The following FUNDC2 variants were observed in gnomAD, a reference collection of about 807,000 sequenced individuals.
The protein encoded by FUNDC2 is FUN14 domain containing 2.
A neutral mutation model predicts 15.6 loss-of-function variants in FUNDC2; 4 were observed. The observed-to-expected ratio is 0.26, with a 90% CI of 0.13 to 0.59. The LOEUF is 0.59. FUNDC2 is among the 20% of genes least tolerant of loss of function. FUNDC2 has a pLI of 0.90. For synonymous variants in FUNDC2, 44 were observed against 56.9 expected (o/e 0.77, Z 1.02); for missense variants, 98 against 149.7 (o/e 0.65, Z 1.80).
rs2073916214 is a variant in FUNDC2, at chrX:155,058,431, C to CAGTT, written c.*3760_*3763dup. 9.0e-6 allele frequency: 1 copy of CAGTT among 111,176 alleles called. No individual in the cohort carries two copies. The highest frequency in any genetic ancestry group is 3.3e-5 in the African/African-American group (1 of 30,459). The allele number at this position is 111,176 out of a possible 1,213,427, so 9.2% of individuals were successfully genotyped here. A position where few individuals can be genotyped will look rare whatever the true frequency, so the allele number is the denominator to read the frequency against. ...CTTATTTGGAACCTCTACTTTTGTACAGTTTGGGAATCTCTGCTTGAAAAG... is the reference window on the plus strand; with the variant it reads ...CTTATTTGGAACCTCTACTTTTGTACAGTTAGTTTGGGAATCTCTGCTTGAAAAG... On this transcript the variant is annotated 3_prime_UTR_variant, in exon 5 of 5. Coordinates refer to ENST00000369498, the MANE Select transcript of FUNDC2 (RefSeq NM_023934.4).
At chrX:155,054,434 A>G in intron 4 of FUNDC2, 161 bp from the exon 5 acceptor site, 1 of 748,974 alleles carries the variant, frequency 1.3e-6, no homozygotes, top group South Asian at 6.8e-5. Flanking sequence ...ATTATTAAAT[A>G]GACTATTAGT....
Position 155,057,073 on chromosome X carries a change from CACGG to C in FUNDC2, c.*2402_*2405del, listed in dbSNP as rs2073908004. On this transcript the variant is annotated 3_prime_UTR_variant, in exon 5 of 5. Transcript: ENST00000369498. ...TATGAGAACGGCTGTGAGTTCTGCC[CACGG>C]TGTGAGGCCACTGTGACCACTTGGG... The C allele has an allele frequency of 1.0e-5, 1 of 99,733 alleles. No homozygotes were observed. The highest frequency in any genetic ancestry group is 2.2e-5 in the Non-Finnish European group (1 of 45,251). 8.2% of individuals were successfully genotyped at this position (99,733 alleles called of 1,213,427 possible). A position where few individuals can be genotyped will look rare whatever the true frequency, so the allele number is the denominator to read the frequency against.
Position 155,060,204 on chromosome X carries a change from T to C in FUNDC2, c.*5532T>C, listed in dbSNP as rs782661975. The C allele has an allele frequency of 1.8e-5, 2 of 112,601 alleles. No individual in the cohort carries two copies. Among genetic ancestry groups the C allele is most frequent in the South Asian group, 3.7e-4 (1 of 2,730 alleles). 9.3% of individuals were successfully genotyped at this position (112,601 alleles called of 1,213,427 possible). On this transcript the variant is annotated 3_prime_UTR_variant, in exon 5 of 5. Transcript: ENST00000369498. ...CACAGAAAAACAATCTATTTGATCA[T>C]GTAGTGATTCCTAATGTAAATCCTA...
intron 3 of FUNDC2, among the ~76,000 whole-genome samples, chrX:155,047,773 A>G (rs1557290156): frequency 9.0e-6 from 1 of 110,686 alleles, no homozygotes; most frequent in Non-Finnish European, 1.9e-5. Context: ...TCCCTGTGCC[A>G]GTATAGGCTT....
intron 2 of FUNDC2, among the ~76,000 whole-genome samples, chrX:155,040,008 T>C (rs2124190671): frequency 8.9e-6 from 1 of 112,185 alleles, no homozygotes; most frequent in South Asian, 3.7e-4. Flanking sequence ...ATTTGTGTTG[T>C]CTTCAATTTC....
In FUNDC2 at chrX:155,026,848, C is replaced by T; in HGVS notation, c.-91C>T. 1 of 1,129,274 alleles carries T rather than the reference C, an allele frequency of 8.9e-7. No homozygotes were observed. 93.1% of individuals were successfully genotyped at this position (1,129,274 alleles called of 1,213,427 possible). On this transcript the variant is annotated 5_prime_UTR_variant, in exon 1 of 5. Coordinates refer to ENST00000369498, the MANE Select transcript of FUNDC2 (RefSeq NM_023934.4). ...GGGCGGGACCGCGGGGCCTGTGACA[C>T]CGCACGCTGAGCTCTGTGATGTAGC...
rs2073914696 is a variant in FUNDC2, at chrX:155,058,093, C to G, written c.*3421C>G. 1 of 111,551 alleles carries G rather than the reference C, an allele frequency of 9.0e-6. No individual in the cohort carries two copies. The highest frequency in any genetic ancestry group is 2.8e-4 in the East Asian group (1 of 3,530). The allele number at this position is 111,551 out of a possible 1,213,427, so 9.2% of individuals were successfully genotyped here. On this transcript the variant is annotated 3_prime_UTR_variant, in exon 5 of 5. Transcript: ENST00000369498. ...TTGTTTGTTGCAATCTCCCGCCACT[C>G]AGCCTCCAGACATTCATTAACAGGA... is the stretch of plus-strand genomic sequence containing the variant.
chrX:155,054,437 C>T (rs1329628642), intron 4 of FUNDC2, 158 bp from the exon 5 acceptor site: 12 of 746,926 alleles, frequency 1.6e-5, no homozygotes, highest in Non-Finnish European at 1.9e-5. Flanking sequence ...ATTAAATAGA[C>T]TATTAGTGTA....
Position 155,057,839 on chromosome X carries a change from G to C in FUNDC2, c.*3167G>C, listed in dbSNP as rs1484449787. The C allele has an allele frequency of 2.7e-5, 3 of 111,531 alleles. No individual in the cohort carries two copies. The highest frequency in any genetic ancestry group is 5.7e-5 in the Non-Finnish European group (3 of 53,083). 9.2% of individuals were successfully genotyped at this position (111,531 alleles called of 1,213,427 possible). Reference sequence around the variant, plus strand: ...CTTCCCAAGGTTCTCCCCAGAGTCGGAGAGCAGAGACGGATCCAGGGGCAC... The same window carrying C: ...CTTCCCAAGGTTCTCCCCAGAGTCGCAGAGCAGAGACGGATCCAGGGGCAC... On this transcript the variant is annotated 3_prime_UTR_variant, in exon 5 of 5. Coordinates refer to ENST00000369498, the MANE Select transcript of FUNDC2 (RefSeq NM_023934.4).
chrX:155,056,519 C>T lies in FUNDC2; in HGVS notation c.*1847C>T, dbSNP rs1451018589. On this transcript the variant is annotated 3_prime_UTR_variant, in exon 5 of 5. Transcript: ENST00000369498. ...AAGTCTCTTAACCTTATAGATCCTC[C>T]TCTATTTTTTTTTTTTTGCTTGCTA... 1 of 93,580 alleles carries T rather than the reference C, an allele frequency of 1.1e-5. No homozygotes were observed. The highest frequency in any genetic ancestry group is 2.1e-5 in the Non-Finnish European group (1 of 48,163). The allele number at this position is 93,580 out of a possible 1,213,427, so 7.7% of individuals were successfully genotyped here.
At chrX:155,051,564 A>G in intron 3 of FUNDC2, 106 bp from the exon 4 acceptor site, 1 of 876,157 alleles carries the variant, frequency 1.1e-6, no homozygotes, top group Non-Finnish European at 1.6e-6. Context: ...GTCTCCAAAA[A>G]TGGAAAGTCA....
intron 2 of FUNDC2, among the ~76,000 whole-genome samples, chrX:155,043,090 C>T (rs1450480239): frequency 2.7e-5 from 3 of 111,093 alleles, no homozygotes; most frequent in African/African-American, 6.6e-5. Flanking sequence ...TGCATGCTAC[C>T]GTGCCTGGCT....
intron 1 of FUNDC2, among the ~76,000 whole-genome samples, chrX:155,027,569 T>A (rs1443253010): frequency 1.8e-5 from 2 of 112,223 alleles, no homozygotes; most frequent in Non-Finnish European, 3.8e-5. Context: ...GTCTTTAAGT[T>A]ATGCGTCTTA....
At position 155,045,567 on chromosome X, in the gene FUNDC2, A is replaced by G. The variant is rs781812946; in HGVS notation, c.285-942A>G. Reference sequence around the variant, plus strand: ...ATGAGATTAAAGCTGAGAAGTGAACACTAGCATTTGGTAAGGTCAAGATCA... The same window carrying G: ...ATGAGATTAAAGCTGAGAAGTGAACGCTAGCATTTGGTAAGGTCAAGATCA... On this transcript the variant is annotated intron_variant, in intron 2 of 4. Transcript: ENST00000369498. Among the ~76,000 whole-genome samples, 5 of 112,292 alleles carry G rather than the reference A, an allele frequency of 4.5e-5. 1 individual carries two copies. The South Asian group carries it at 1.8e-3, about 41-fold the overall frequency.
intron 4 of FUNDC2, 125 bp downstream of exon 4, chrX:155,051,926 A>G (rs1557290543): frequency 1.6e-6 from 1 of 635,572 alleles, no homozygotes; most frequent in African/African-American, 2.2e-5. Context: ...GAGTAATGAG[A>G]CAAAACTAAC....
chrX:155,028,055 T>TTATAGACTTTTATAAGAGCAGACTGCTCA (rs2073801004), intron 1 of FUNDC2, among the ~76,000 whole-genome samples: 1 of 111,385 alleles, frequency 9.0e-6, no homozygotes. Context: ...CAGACTGCTC[T>TTATAGACTTTTATAAGAGCAGACTGCTCA]TATAGACTTT....
At chrX:155,031,247 A>T (rs1325402319) in intron 1 of FUNDC2, among the ~76,000 whole-genome samples, 7 of 111,588 alleles carry the variant, frequency 6.3e-5, no homozygotes, top group South Asian at 3.7e-4. Context: ...TATATGTTTA[A>T]TCTTTTGAGC....
chrX:155,035,759 C>T (rs998199566), intron 2 of FUNDC2, among the ~76,000 whole-genome samples: 3 of 112,154 alleles, frequency 2.7e-5, no homozygotes, highest in African/African-American at 9.7e-5. Flanking sequence ...CTTGGCTCAC[C>T]GCCTCCTGGG....
intron 1 of FUNDC2, among the ~76,000 whole-genome samples, chrX:155,032,795 C>A (rs1261337885): frequency 2.7e-5 from 3 of 111,825 alleles, no homozygotes; most frequent in African/African-American, 9.8e-5. Flanking sequence ...AGAGAAGGGG[C>A]AAATTTGTTT....
Sources: allele counts gnomAD v4.1 joint callset (sites outside exome capture counted in the v4.1 genomes callset), GRCh38; gene constraint gnomAD v4.1.1; transcripts MANE v1.5; gene names NCBI Gene and HGNC (gene_info 2026-07-23, HGNC 2026-07-21).